The following ELOVL6 variants were observed in gnomAD, a reference collection of about 807,000 sequenced individuals.
The protein encoded by ELOVL6 is ELOVL fatty acid elongase 6.
A neutral mutation model predicts 31.7 loss-of-function variants in ELOVL6; 8 were observed. The ratio of observed to expected loss-of-function variants is 0.25; its 90% CI spans 0.15 to 0.45. The LOEUF is 0.45. Among genes scored for constraint, ELOVL6 ranks in the 20% least tolerant of loss-of-function variants. The probability of loss-of-function intolerance (pLI) is 1.00; values close to 1 mark genes in which losing one functional copy is unlikely to be tolerated. For synonymous variants in ELOVL6, 101 were observed against 117.7 expected, an observed-to-expected ratio of 0.86 and a Z score of 0.92; for missense variants, 126 against 326.4, an observed-to-expected ratio of 0.39 and a Z score of 4.73.
At chr4:110,141,167 G>A (rs1440342114) in intron 1 of ELOVL6, among the ~76,000 whole-genome samples, 1 of 152,062 alleles carries the variant, frequency 6.6e-6, no homozygotes, top group Admixed American at 6.6e-5. Context: ...GGGTTCAAGT[G>A]ATTCTCCTGC....
intron 1 of ELOVL6, among the ~76,000 whole-genome samples, chr4:110,118,661 G>A (rs1353333844): frequency 6.6e-6 from 1 of 152,194 alleles, no homozygotes; most frequent in Admixed American, 6.5e-5. Context: ...CACCTAGGTT[G>A]ATTCCATATG....
At chr4:110,136,428 G>A (rs552201688) in intron 1 of ELOVL6, among the ~76,000 whole-genome samples, 5 of 152,258 alleles carry the variant, frequency 3.3e-5, no homozygotes. Flanking sequence ...TAGTAATAAA[G>A]AAAATATGTC....
intron 1 of ELOVL6, among the ~76,000 whole-genome samples, chr4:110,115,951 C>T (rs1409444874): frequency 6.6e-6 from 1 of 152,164 alleles, no homozygotes; most frequent in African/African-American, 2.4e-5. Flanking sequence ...CCTTCTCCAT[C>T]TTCAAAATGC....
chr4:110,197,941 T>C, intron 1 of ELOVL6: 1 of 443,342 alleles, frequency 2.3e-6, no homozygotes. Context: ...GACTGTGGCA[T>C]CTCTCCCGCC....
At chr4:110,094,914 A>C (rs943505769) in intron 2 of ELOVL6, among the ~76,000 whole-genome samples, 8 of 152,210 alleles carry the variant, frequency 5.3e-5, no homozygotes, top group Non-Finnish European at 1.2e-4. Flanking sequence ...TCATTAATTC[A>C]ACAACTATGT....
At position 110,050,251 on chromosome 4, in the gene ELOVL6, C is replaced by G. The variant is rs1164656067; in HGVS notation, c.*1087G>C. The G allele has an allele frequency of 1.3e-5, 2 of 152,494 alleles. No individual in the cohort carries two copies. The highest frequency in any genetic ancestry group is 1.3e-4 in the Admixed American group (2 of 15,258). 9.4% of individuals were successfully genotyped at this position (152,494 alleles called of 1,614,324 possible). A position where few individuals can be genotyped will look rare whatever the true frequency, so the allele number is the denominator to read the frequency against. Reference sequence around the variant, plus strand: ...TTCCTTTTGGAATTCACAAAAATATCGAAAATATGCGCTATACTGTGGGGT... The same window carrying G: ...TTCCTTTTGGAATTCACAAAAATATGGAAAATATGCGCTATACTGTGGGGT... On this transcript the variant is annotated 3_prime_UTR_variant, in exon 4 of 4. Transcript: ENST00000302274.
Position 110,163,182 on chromosome 4 carries a change from G to A in ELOVL6, c.89+35065C>T, listed in dbSNP as rs1187877502. 3.3e-5 allele frequency among the ~76,000 whole-genome samples: 5 copies of A among 152,168 alleles called. No homozygotes were observed. In the East Asian group the frequency reaches 9.6e-4, roughly 29 times the overall value. Reference sequence around the variant, plus strand: ...AAGCCATACACAGTTCACCTGAGGGGGCTTTGTATTTGTTGTGTCCTATCT... The same window carrying A: ...AAGCCATACACAGTTCACCTGAGGGAGCTTTGTATTTGTTGTGTCCTATCT... On this transcript the variant is annotated intron_variant, in intron 1 of 3. Transcript: ENST00000302274.
chr4:110,179,035 TC>T, intron 1 of ELOVL6, among the ~76,000 whole-genome samples: 1 of 152,104 alleles, frequency 6.6e-6, no homozygotes, highest in East Asian at 1.9e-4. Flanking sequence ...TACAAGTGTC[TC>T]TGCAAAAGTA....
intron 2 of ELOVL6, among the ~76,000 whole-genome samples, chr4:110,076,106 C>T (rs1183388579): frequency 6.6e-6 from 1 of 152,170 alleles, no homozygotes; most frequent in Non-Finnish European, 1.5e-5. Context: ...AACCGAACTC[C>T]ATTTTCACAC....
At chr4:110,064,454 CTATT>C (rs1755240723) in intron 2 of ELOVL6, among the ~76,000 whole-genome samples, 2 of 151,942 alleles carry the variant, frequency 1.3e-5, no homozygotes, top group South Asian at 4.2e-4. Context: ...CATTTCTGCA[CTATT>C]TGACTCTTTT....
rs1184682018 is a variant in ELOVL6, at chr4:110,158,657, A to ATT, written c.89+39588_89+39589dup. Among the ~76,000 whole-genome samples, 196 of 74,150 alleles carry ATT rather than the reference A, an allele frequency of 2.6e-3. 5 individuals carry two copies. The highest frequency in any genetic ancestry group is 0.014 in the African/African-American group (163 of 12,074). 48.6% of individuals were successfully genotyped at this position (74,150 alleles called of 152,430 possible). On this transcript the variant is annotated intron_variant, in intron 1 of 3. Coordinates refer to ENST00000302274, the MANE Select transcript of ELOVL6 (RefSeq NM_024090.3). ...CGTGTATATATATATATATATATAT[A>ATT]TTTTTTTTTTTTTTTTTTTTGAGAC...
At chr4:110,147,926 C>A (rs1758168776) in intron 1 of ELOVL6, among the ~76,000 whole-genome samples, 1 of 151,386 alleles carries the variant, frequency 6.6e-6, no homozygotes, top group South Asian at 2.1e-4. Flanking sequence ...GCCAGCCTGG[C>A]CAACATGGTG....
intron 1 of ELOVL6, 152 bp downstream of exon 1, chr4:110,198,095 C>A: frequency 2.3e-6 from 1 of 437,400 alleles, no homozygotes; most frequent in South Asian, 1.8e-5. Flanking sequence ...CCCAGCGTCT[C>A]CTGCACCCGG....
At chr4:110,188,797 C>T (rs911592727) in intron 1 of ELOVL6, among the ~76,000 whole-genome samples, 2 of 150,616 alleles carry the variant, frequency 1.3e-5, no homozygotes, top group Non-Finnish European at 3.0e-5. Flanking sequence ...GAGGCTGAGG[C>T]GGAGAGTTGC....
At chr4:110,086,442 T>C (rs1325550035) in intron 2 of ELOVL6, among the ~76,000 whole-genome samples, 1 of 152,228 alleles carries the variant, frequency 6.6e-6, no homozygotes, top group Non-Finnish European at 1.5e-5. Flanking sequence ...TAAATTATAC[T>C]CAGAAATCAC....
intron 2 of ELOVL6, among the ~76,000 whole-genome samples, chr4:110,072,372 A>G (rs1409595487): frequency 1.3e-5 from 2 of 152,232 alleles, no homozygotes; most frequent in Non-Finnish European, 2.9e-5. Context: ...GGTACTTGGG[A>G]GGCTGAGGCA....
chr4:110,196,278 GCTGACCACA>G (rs111511450), intron 1 of ELOVL6, among the ~76,000 whole-genome samples: 8,838 of 152,272 alleles, frequency 0.058, 286 homozygotes, highest in African/African-American at 0.088. Flanking sequence ...AGAAGCAAAT[GCTGACCACA>G]CTGACCACAC....
rs1416050162 is a variant in ELOVL6, at chr4:110,095,481, A to T, written c.221+10016T>A. 1.1e-4 allele frequency among the ~76,000 whole-genome samples: 6 copies of T among 53,188 alleles called. No individual in the cohort carries two copies. In the South Asian group the frequency reaches 3.2e-3, roughly 28 times the overall value. 34.9% of individuals were successfully genotyped at this position (53,188 alleles called of 152,430 possible). A position where few individuals can be genotyped will look rare whatever the true frequency, so the allele number is the denominator to read the frequency against. ...TGGGTGAAAGGGCGAAACTGTCTTT[A>T]AAAAAAAAAAAAAAAAAGGCATGAA... On this transcript the variant is annotated intron_variant, in intron 2 of 3. Coordinates refer to ENST00000302274, the MANE Select transcript of ELOVL6 (RefSeq NM_024090.3).
intron 2 of ELOVL6, among the ~76,000 whole-genome samples, chr4:110,072,798 A>C (rs1018967009): frequency 6.6e-6 from 1 of 152,146 alleles, no homozygotes. Context: ...GGGTCCTCTC[A>C]TCTCCATTTC....
Sources: allele counts gnomAD v4.1 joint callset (sites outside exome capture counted in the v4.1 genomes callset), GRCh38; gene constraint gnomAD v4.1.1; transcripts MANE v1.5; gene names NCBI Gene and HGNC (gene_info 2026-07-23, HGNC 2026-07-21).